The following HFM1 variants were observed in gnomAD, a reference collection of about 807,000 sequenced individuals.
HFM1 encodes the protein helicase for meiosis 1.
A neutral mutation model predicts 192.1 loss-of-function variants in HFM1; 169 were observed. The ratio of observed to expected loss-of-function variants is 0.88; its 90% confidence interval spans 0.78 to 1.00. The LOEUF (loss-of-function observed/expected upper bound fraction) is 1.00, where lower values mean the gene tolerates loss of function less well. HFM1 is among the 50% of genes least tolerant of loss of function. The probability of loss-of-function intolerance (pLI) is 0.00; values close to 1 mark genes in which losing one functional copy is unlikely to be tolerated. For synonymous variants in HFM1, 525 were observed against 537.8 expected (o/e 0.98, Z 0.33); for missense variants, 1,661 against 1,668.0 (o/e 1.00, Z 0.07).
chr1:91,294,941 A>G (rs1647290419), intron 30 of HFM1, among the ~76,000 whole-genome samples: 1 of 152,218 alleles, frequency 6.6e-6, no homozygotes, highest in South Asian at 2.1e-4. Context: ...ACTTTAATAA[A>G]TACTGCTAGT....
chr1:91,342,590 T>C (rs953580634), intron 20 of HFM1, among the ~76,000 whole-genome samples: 27 of 152,316 alleles, frequency 1.8e-4, no homozygotes, highest in Admixed American at 1.5e-3. Flanking sequence ...CATAAAAACA[T>C]TCAGGTTTAA....
At chr1:91,324,133 T>C (rs901319879) in intron 21 of HFM1, among the ~76,000 whole-genome samples, 3 of 152,252 alleles carry the variant, frequency 2.0e-5, no homozygotes, top group African/African-American at 7.2e-5. Context: ...CCATTGTTGA[T>C]ATTTTAGCAT....
chr1:91,343,128 G>A (rs2101645884), intron 20 of HFM1, among the ~76,000 whole-genome samples: 1 of 150,816 alleles, frequency 6.6e-6, no homozygotes, highest in South Asian at 2.1e-4. Flanking sequence ...CTACTCGGGA[G>A]GCTGAGGCAG....
intron 19 of HFM1, among the ~76,000 whole-genome samples, chr1:91,346,315 G>A (rs981171107): frequency 6.6e-6 from 1 of 152,076 alleles, no homozygotes; most frequent in African/African-American, 2.4e-5. Flanking sequence ...CTAATTTCTT[G>A]AGTGTATTTG....
chr1:91,385,280 T>G (rs1424408418), intron 5 of HFM1, 46 bp from the exon 6 acceptor site: 2 of 1,131,298 alleles, frequency 1.8e-6, no homozygotes, highest in Non-Finnish European at 2.6e-6. Flanking sequence ...AAAAAAAAAT[T>G]AATGGTCAGA....
chr1:91,307,164 TTC>T (rs1649727139), intron 30 of HFM1, among the ~76,000 whole-genome samples: 1 of 152,306 alleles, frequency 6.6e-6, no homozygotes, highest in Non-Finnish European at 1.5e-5. Flanking sequence ...TTGTTGATTT[TTC>T]TCTGTTGTAT....
At chr1:91,360,758 C>T (rs1658387147) in intron 13 of HFM1, among the ~76,000 whole-genome samples, 1 of 152,172 alleles carries the variant, frequency 6.6e-6, no homozygotes, top group South Asian at 2.1e-4. Context: ...CTGATAGCTA[C>T]ATGGCATGTA....
At chr1:91,270,550 GAA>G (rs1414678746) in intron 34 of HFM1, among the ~76,000 whole-genome samples, 1 of 148,916 alleles carries the variant, frequency 6.7e-6, no homozygotes, top group East Asian at 2.0e-4. Context: ...TACTGTATAG[GAA>G]AAGTTTTTGA....
chr1:91,289,601 T>C (rs928875798), intron 30 of HFM1, among the ~76,000 whole-genome samples: 1 of 152,152 alleles, frequency 6.6e-6, no homozygotes, highest in Non-Finnish European at 1.5e-5. Context: ...AGACTCCGTC[T>C]GCAATCCTGG....
intron 6 of HFM1, 96 bp from the exon 7 acceptor site, chr1:91,381,078 A>G: frequency 1.5e-6 from 1 of 652,164 alleles, no homozygotes; most frequent in Non-Finnish European, 2.7e-6. Flanking sequence ...TTCTGACAAT[A>G]TTTAATGATG....
chr1:91,306,528 G>T (rs1286625436), intron 30 of HFM1, among the ~76,000 whole-genome samples: 1 of 151,978 alleles, frequency 6.6e-6, no homozygotes, highest in Non-Finnish European at 1.5e-5. Flanking sequence ...AGCCTCTCCT[G>T]CATACATGCA....
chr1:91,377,665 T>C (rs1260857574), intron 11 of HFM1: 2 of 221,516 alleles, frequency 9.0e-6, no homozygotes, highest in African/African-American at 2.4e-5. Context: ...GGTAATCATC[T>C]AAGCAATTAT....
chr1:91,261,246 G>T lies in HFM1; in HGVS notation c.*44C>A. 2 of 822,204 alleles carry T rather than the reference G, an allele frequency of 2.4e-6. No individual in the cohort carries two copies. The highest frequency in any genetic ancestry group is 3.5e-6 in the Non-Finnish European group (2 of 574,188). The allele number at this position is 822,204 out of a possible 1,614,324, so 50.9% of individuals were successfully genotyped here. ...TAAAAAGCATGCTTTGTGATTAGGT[G>T]TCTTTATTCTTTCTCTTATCAATAT... On this transcript the variant is annotated 3_prime_UTR_variant, in exon 39 of 39. Coordinates refer to ENST00000370425, the MANE Select transcript of HFM1 (RefSeq NM_001017975.6).
Position 91,261,238 on chromosome 1 carries a change from G to C in HFM1, c.*52C>G. On this transcript the variant is annotated 3_prime_UTR_variant, in exon 39 of 39. Transcript: ENST00000370425. ...TTTAAAAATAAAAAGCATGCTTTGT[G>C]ATTAGGTGTCTTTATTCTTTCTCTT... The C allele has an allele frequency of 2.7e-6, 2 of 737,548 alleles. No homozygotes were observed. 45.7% of individuals were successfully genotyped at this position (737,548 alleles called of 1,614,324 possible).
In HFM1 at chr1:91,368,587, T is replaced by C. The variant is rs1223781420; in HGVS notation, c.1685+6771A>G. 5.9e-5 allele frequency among the ~76,000 whole-genome samples: 9 copies of C among 151,926 alleles called. No individual in the cohort carries two copies. In the East Asian group the frequency reaches 1.5e-3, roughly 26 times the overall value. On this transcript the variant is annotated intron_variant, in intron 13 of 38. Coordinates refer to ENST00000370425, the MANE Select transcript of HFM1 (RefSeq NM_001017975.6). ...ACCACCAGCCCTGCCCTAAAAGAGC[T>C]CCTGAAGGAAGCAATAAACATGGAA...
At chr1:91,294,766 G>C (rs925003424) in intron 30 of HFM1, among the ~76,000 whole-genome samples, 10 of 152,072 alleles carry the variant, frequency 6.6e-5, no homozygotes, top group African/African-American at 2.4e-4. Context: ...GCTTTTGGCT[G>C]GTTTCCATTT....
intron 30 of HFM1, among the ~76,000 whole-genome samples, chr1:91,281,424 C>T (rs1667453422): frequency 6.6e-6 from 1 of 152,242 alleles, no homozygotes; most frequent in Non-Finnish European, 1.5e-5. Context: ...CTCATCAATG[C>T]CTCCTTCCTT....
At chr1:91,324,809 G>T in intron 20 of HFM1, 43 bp from the exon 21 acceptor site, 2 of 1,014,136 alleles carry the variant, frequency 2.0e-6, no homozygotes, top group Non-Finnish European at 3.1e-6. Context: ...CTCATCAGCT[G>T]AACCAACTGT....
chr1:91,287,255 G>C (rs977192456), intron 30 of HFM1, among the ~76,000 whole-genome samples: 1 of 152,216 alleles, frequency 6.6e-6, no homozygotes, highest in Non-Finnish European at 1.5e-5. Context: ...AGACTTAAAT[G>C]TCCCTGTCTG....
Sources: gnomAD v4.1 joint callset for allele counts (sites outside exome capture counted in the v4.1 genomes callset) on GRCh38, gnomAD v4.1.1 for gene constraint, MANE v1.5 for transcripts, NCBI Gene and HGNC (gene_info 2026-07-23, HGNC 2026-07-21) for gene names.